Variants in EFCAB11 observed in about 807,000 individuals in gnomAD.
EFCAB11 encodes the protein EF-hand calcium binding domain 11.
A neutral mutation model predicts 23.0 loss-of-function variants in EFCAB11; 14 were observed. The observed-to-expected ratio is 0.61, with a 90% CI of 0.40 to 0.95. EFCAB11 has a LOEUF of 0.95. Among genes scored for constraint, EFCAB11 ranks in the 40% least tolerant of loss-of-function variants. The pLI is 0.00. For missense variants in EFCAB11, 198 were observed against 195.8 expected (o/e 1.01, Z -0.07); for synonymous variants, 65 against 66.6 (o/e 0.98, Z 0.11).
In EFCAB11 at chr14:89,797,961, A is replaced by G. The variant is rs200108467; in HGVS notation, c.411-637T>C. 4.6e-5 allele frequency among the ~76,000 whole-genome samples: 7 copies of G among 152,316 alleles called. No homozygotes were observed. In the South Asian group the frequency reaches 1.4e-3, roughly 32 times the overall value. On this transcript the variant is annotated intron_variant, in intron 5 of 5. Coordinates refer to ENST00000316738, the MANE Select transcript of EFCAB11 (RefSeq NM_145231.4). The stretch of plus-strand genomic sequence containing the variant: ...TAAGAAAAAAAAAAGTGTGTTTGAA[A>G]GCATAACTGGTGAGTAGTGGTCCCA...
intron 5 of EFCAB11, among the ~76,000 whole-genome samples, chr14:89,808,064 C>A (rs1432458333): frequency 6.6e-6 from 1 of 152,112 alleles, no homozygotes; most frequent in Admixed American, 6.6e-5. Context: ...AGTTTGACTC[C>A]ATGGTAGAGC....
intron 5 of EFCAB11, among the ~76,000 whole-genome samples, chr14:89,808,269 C>T (rs1369748399): frequency 6.6e-6 from 1 of 152,118 alleles, no homozygotes; most frequent in African/African-American, 2.4e-5. Flanking sequence ...CTGTATAGGA[C>T]CTTATAATCA....
intron 5 of EFCAB11, among the ~76,000 whole-genome samples, chr14:89,869,941 G>A (rs756868886): frequency 1.3e-5 from 2 of 152,170 alleles, no homozygotes; most frequent in African/African-American, 2.4e-5. Flanking sequence ...ATTCACAGGG[G>A]ACACAAAAAG....
At position 89,931,650 on chromosome 14, in the gene EFCAB11, A is replaced by G; in HGVS notation, c.320-19T>C. 1 of 1,604,792 alleles carries G rather than the reference A, an allele frequency of 6.2e-7. No homozygotes were observed. Among genetic ancestry groups the G allele is most frequent in the Non-Finnish European group, 8.5e-7 (1 of 1,172,378 alleles). On this transcript the variant is annotated intron_variant, in intron 4 of 5. Coordinates refer to ENST00000316738, the MANE Select transcript of EFCAB11 (RefSeq NM_145231.4). Reference sequence around the variant, plus strand: ...CCACGATCTATTTGAAAACAATAAAAAATATTCACTTACTTTAATAAGACC... The same window carrying G: ...CCACGATCTATTTGAAAACAATAAAGAATATTCACTTACTTTAATAAGACC...
intron 3 of EFCAB11, among the ~76,000 whole-genome samples, chr14:89,933,166 C>T (rs1483923871): frequency 6.6e-6 from 1 of 152,190 alleles, no homozygotes; most frequent in East Asian, 1.9e-4. Context: ...ATCTCCAGCC[C>T]TGGATACGCC....
intron 5 of EFCAB11, among the ~76,000 whole-genome samples, chr14:89,906,171 TAAAA>T (rs1347911379): frequency 6.1e-5 from 8 of 130,454 alleles, no homozygotes; most frequent in Admixed American, 2.3e-4. Context: ...ATTAGAGCAC[TAAAA>T]TAAATAAATA....
intron 5 of EFCAB11, among the ~76,000 whole-genome samples, chr14:89,879,441 T>C (rs1393224399): frequency 2.6e-5 from 4 of 152,016 alleles, no homozygotes. Context: ...TTAAATTTGT[T>C]CTATTTTTCA....
chr14:89,801,944 A>G (rs970348115), intron 5 of EFCAB11, among the ~76,000 whole-genome samples: 1 of 151,878 alleles, frequency 6.6e-6, no homozygotes, highest in Non-Finnish European at 1.5e-5. Flanking sequence ...CAGTGAGCTG[A>G]GATCGCACTA....
chr14:89,936,811 T>C (rs1890601499), intron 3 of EFCAB11, among the ~76,000 whole-genome samples: 1 of 152,164 alleles, frequency 6.6e-6, no homozygotes, highest in South Asian at 2.1e-4. Context: ...GCTGTATACA[T>C]CTAGCTCTTT....
At chr14:89,897,099 A>G (rs1430082540) in intron 5 of EFCAB11, among the ~76,000 whole-genome samples, 1 of 152,174 alleles carries the variant, frequency 6.6e-6, no homozygotes. Context: ...TGAGTGAAAA[A>G]AAGCAAGTCA....
chr14:89,923,185 T>C (rs1190912692), intron 5 of EFCAB11: 4 of 152,228 alleles, frequency 2.6e-5, no homozygotes, highest in South Asian at 2.1e-4. Flanking sequence ...CTAAAGTTCA[T>C]ACTGGTAAAA....
At chr14:89,942,070 GGAA>G (rs1437485771) in intron 3 of EFCAB11, among the ~76,000 whole-genome samples, 2 of 151,868 alleles carry the variant, frequency 1.3e-5, no homozygotes, top group Non-Finnish European at 2.9e-5. Context: ...TGCCACCATG[GGAA>G]GAAGGTCTTT....
intron 5 of EFCAB11, chr14:89,931,309 T>A (rs1031590710): frequency 6.1e-6 from 3 of 489,370 alleles, no homozygotes; most frequent in Non-Finnish European, 1.1e-5. Context: ...AGTGCTTGTA[T>A]GCACCTGCCT....
chr14:89,890,791 A>G (rs910823709), intron 5 of EFCAB11, among the ~76,000 whole-genome samples: 2 of 152,248 alleles, frequency 1.3e-5, no homozygotes, highest in African/African-American at 2.4e-5. Flanking sequence ...CACATCGTGC[A>G]CTGGGGCTGC....
intron 5 of EFCAB11, among the ~76,000 whole-genome samples, chr14:89,882,277 T>C (rs1888625395): frequency 6.6e-6 from 1 of 152,198 alleles, no homozygotes; most frequent in Non-Finnish European, 1.5e-5. Flanking sequence ...TTATTATTTG[T>C]TTCTGTTAAG....
intron 5 of EFCAB11, among the ~76,000 whole-genome samples, chr14:89,905,609 T>C (rs1245101898): frequency 6.6e-6 from 1 of 152,180 alleles, no homozygotes; most frequent in African/African-American, 2.4e-5. Context: ...TCAAGAGTTA[T>C]CATTTGCATA....
intron 5 of EFCAB11, among the ~76,000 whole-genome samples, chr14:89,902,074 A>G (rs187379262): frequency 9.1e-4 from 138 of 152,198 alleles, no homozygotes; most frequent in African/African-American, 3.3e-3. Context: ...TGCCCTGCCT[A>G]CCTCTCAAAT....
chr14:89,822,662 T>C (rs535899884), intron 5 of EFCAB11, among the ~76,000 whole-genome samples: 48 of 152,162 alleles, frequency 3.2e-4, no homozygotes, highest in African/African-American at 9.4e-4. Context: ...TCCAAACCCA[T>C]GGGAAAAGAA....
chr14:89,870,316 G>T lies in EFCAB11; in HGVS notation c.410+61225C>A, dbSNP rs538013308. Reference sequence around the variant, plus strand: ...TACTATCTAAGAAAGGTAAAACCTTGAACATCTCCAGTATTTCTCCCAGGA... The same window carrying T: ...TACTATCTAAGAAAGGTAAAACCTTTAACATCTCCAGTATTTCTCCCAGGA... On this transcript the variant is annotated intron_variant, in intron 5 of 5. Coordinates refer to ENST00000316738, the MANE Select transcript of EFCAB11 (RefSeq NM_145231.4). Among the ~76,000 whole-genome samples, 59 of 152,214 alleles carry T rather than the reference G, an allele frequency of 3.9e-4. 1 individual carries two copies. In the Middle Eastern group the frequency reaches 0.014, roughly 35 times the overall value.
Sources: gnomAD v4.1 joint callset for allele counts (sites outside exome capture counted in the v4.1 genomes callset) on GRCh38, gnomAD v4.1.1 for gene constraint, MANE v1.5 for transcripts, NCBI Gene and HGNC (gene_info 2026-07-23, HGNC 2026-07-21) for gene names.